The following LRFN2 variants were observed in gnomAD, a reference collection of about 807,000 sequenced individuals.
LRFN2 encodes the protein leucine-rich repeat and fibronectin type-III domain-containing protein 2.
LRFN2 carries 18 observed loss-of-function variants against 37.3 expected under a neutral mutation model. The ratio of observed to expected loss-of-function variants is 0.48; its 90% CI spans 0.33 to 0.72. The LOEUF (loss-of-function observed/expected upper bound fraction) is 0.72. Among genes scored for constraint, LRFN2 ranks in the 30% least tolerant of loss-of-function variants. LRFN2 has a pLI of 0.02. For missense variants in LRFN2, 1,006 were observed against 1,060.7 expected (o/e 0.95, Z 0.72); for synonymous variants, 556 against 466.6 (o/e 1.19, Z -2.47).
chr6:40,501,387 C>T (rs961887467), intron 1 of LRFN2, among the ~76,000 whole-genome samples: 3 of 152,090 alleles, frequency 2.0e-5, no homozygotes, highest in Middle Eastern at 6.8e-3. Flanking sequence ...GTGGCATACT[C>T]ATAGCTCACT....
chr6:40,493,471 C>T (rs1227928711), intron 1 of LRFN2, among the ~76,000 whole-genome samples: 1 of 152,236 alleles, frequency 6.6e-6, no homozygotes, highest in East Asian at 1.9e-4. Flanking sequence ...GTACTGCCCT[C>T]TGCCTTCACA....
At chr6:40,423,770 C>G (rs924394304) in intron 2 of LRFN2, among the ~76,000 whole-genome samples, 9 of 152,138 alleles carry the variant, frequency 5.9e-5, no homozygotes, top group Admixed American at 5.9e-4. Flanking sequence ...CTTTCTTGCC[C>G]TTCTTGTTTC....
At chr6:40,436,346 T>G (rs1251597171) in intron 1 of LRFN2, among the ~76,000 whole-genome samples, 2 of 152,236 alleles carry the variant, frequency 1.3e-5, no homozygotes, top group Non-Finnish European at 2.9e-5. Context: ...CATGCTTATT[T>G]GTTTACATAT....
intron 1 of LRFN2, among the ~76,000 whole-genome samples, chr6:40,495,596 GT>G (rs1318235042): frequency 1.3e-5 from 2 of 152,114 alleles, no homozygotes; most frequent in Admixed American, 1.3e-4. Context: ...CAGTTGCCCT[GT>G]CTCCTTCCTG....
chr6:40,396,660 G>A (rs369077230), intron 2 of LRFN2, among the ~76,000 whole-genome samples: 9 of 151,550 alleles, frequency 5.9e-5, no homozygotes, highest in Admixed American at 2.6e-4. Flanking sequence ...GCAGAAAGGC[G>A]GAAGGCGGCT....
chr6:40,514,550 G>A (rs1371984403), intron 1 of LRFN2, among the ~76,000 whole-genome samples: 2 of 152,048 alleles, frequency 1.3e-5, no homozygotes, highest in East Asian at 3.9e-4. Flanking sequence ...CCTGACCTCA[G>A]GTGATCTGCC....
At chr6:40,476,195 C>A (rs16893651) in intron 1 of LRFN2, among the ~76,000 whole-genome samples, 8,432 of 152,218 alleles carry the variant, frequency 0.055, 604 homozygotes, top group African/African-American at 0.17. Context: ...CATGCCAGAA[C>A]CTGGATTATA....
intron 1 of LRFN2, among the ~76,000 whole-genome samples, chr6:40,487,712 G>A (rs762543821): frequency 2.9e-4 from 44 of 152,208 alleles, no homozygotes; most frequent in Non-Finnish European, 6.2e-4. Context: ...CTAGGATTTG[G>A]AAGTGTAAAA....
At chr6:40,411,868 T>C (rs1296160215) in intron 2 of LRFN2, among the ~76,000 whole-genome samples, 1 of 152,076 alleles carries the variant, frequency 6.6e-6, no homozygotes, top group Admixed American at 6.5e-5. Context: ...ATTTACTCAT[T>C]TGTGGTGCCT....
chr6:40,540,314 G>C (rs146822683), intron 1 of LRFN2, among the ~76,000 whole-genome samples: 1 of 152,278 alleles, frequency 6.6e-6, no homozygotes, highest in African/African-American at 2.4e-5. Flanking sequence ...AGGCCAGCCC[G>C]TCCCTCCTCT....
intron 1 of LRFN2, among the ~76,000 whole-genome samples, chr6:40,437,516 A>G (rs143713599): frequency 1.0e-3 from 156 of 152,344 alleles, no homozygotes; most frequent in African/African-American, 3.7e-3. Context: ...GTGGAGGATT[A>G]ACAAACGTCT....
chr6:40,435,052 T>TATATATATAGAGAGAG (rs1482968698), intron 1 of LRFN2, among the ~76,000 whole-genome samples: 4 of 37,540 alleles, frequency 1.1e-4, no homozygotes, highest in Non-Finnish European at 2.0e-4. Flanking sequence ...TATATATATA[T>TATATATATAGAGAGAG]AGAGAGAGAG....
chr6:40,505,753 C>A (rs1765514583), intron 1 of LRFN2, among the ~76,000 whole-genome samples: 1 of 152,186 alleles, frequency 6.6e-6, no homozygotes, highest in Admixed American at 6.5e-5. Context: ...TCACACAGGT[C>A]TCACCTATCT....
chr6:40,571,702 C>G (rs1767190583), intron 1 of LRFN2, among the ~76,000 whole-genome samples: 1 of 152,222 alleles, frequency 6.6e-6, no homozygotes, highest in Non-Finnish European at 1.5e-5. Context: ...TGTGGCCCTC[C>G]TTTCTGCTGC....
intron 1 of LRFN2, among the ~76,000 whole-genome samples, chr6:40,464,772 T>C (rs1206386275): frequency 6.6e-6 from 1 of 151,996 alleles, no homozygotes; most frequent in African/African-American, 2.4e-5. Context: ...AGAAGAGTTA[T>C]TCAACCCCTA....
At chr6:40,436,629 C>A (rs899272816) in intron 1 of LRFN2, among the ~76,000 whole-genome samples, 2 of 152,174 alleles carry the variant, frequency 1.3e-5, no homozygotes, top group African/African-American at 4.8e-5. Flanking sequence ...CAAGCTCCCA[C>A]CTAAGGTAGA....
At chr6:40,427,649 G>A (rs922034666) in intron 2 of LRFN2, among the ~76,000 whole-genome samples, 1 of 152,186 alleles carries the variant, frequency 6.6e-6, no homozygotes, top group Non-Finnish European at 1.5e-5. Context: ...CTTTTCCAAG[G>A]GCTCACAGCT....
chr6:40,412,844 G>T (rs1198129976), intron 2 of LRFN2, among the ~76,000 whole-genome samples: 1 of 152,160 alleles, frequency 6.6e-6, no homozygotes, highest in Non-Finnish European at 1.5e-5. Context: ...AGTGGACTGT[G>T]CTAAGGAAAA....
chr6:40,580,097 G>C (rs905508110), intron 1 of LRFN2, among the ~76,000 whole-genome samples: 1 of 152,190 alleles, frequency 6.6e-6, no homozygotes, highest in Admixed American at 6.5e-5. Flanking sequence ...TTGATGATGA[G>C]CGTAGCTTGA....
Sources: gnomAD v4.1 joint callset for allele counts (sites outside exome capture counted in the v4.1 genomes callset) on GRCh38, gnomAD v4.1.1 for gene constraint, MANE v1.5 for transcripts, NCBI Gene and HGNC (gene_info 2026-07-23, HGNC 2026-07-21) for gene names.